Variants in TNKS observed in about 807,000 individuals in gnomAD.
TNKS encodes tankyrase, also known as poly [ADP-ribose] polymerase tankyrase-1.
TNKS carries 72 observed loss-of-function variants against 135.8 expected under a neutral mutation model. The observed-to-expected ratio is 0.53, with a 90% CI of 0.44 to 0.64. TNKS has a LOEUF of 0.64. TNKS is among the 30% of genes least tolerant of loss of function. TNKS has a pLI of 0.00. For synonymous variants in TNKS, 849 were observed against 649.3 expected (o/e 1.31, Z -4.68); for missense variants, 1,769 against 1,674.0 (o/e 1.06, Z -0.99).
intron 17 of TNKS, chr8:9,741,655 C>A: frequency 2.0e-6 from 1 of 491,254 alleles, no homozygotes. Flanking sequence ...CCTTTTGATC[C>A]CCATCAGTTA....
At chr8:9,694,780 A>G (rs1229509738) in intron 5 of TNKS, among the ~76,000 whole-genome samples, 9 of 151,304 alleles carry the variant, frequency 5.9e-5, no homozygotes, top group Admixed American at 5.9e-4. Flanking sequence ...AAAAAAAAAG[A>G]TATTGTCCAA....
intron 3 of TNKS, among the ~76,000 whole-genome samples, chr8:9,659,480 T>G (rs1042952154): frequency 3.3e-5 from 5 of 152,172 alleles, no homozygotes; most frequent in Admixed American, 6.5e-5. Flanking sequence ...TGCTCCCTAA[T>G]GACTACTGGG....
At chr8:9,691,145 G>A (rs1803246367) in intron 5 of TNKS, among the ~76,000 whole-genome samples, 2 of 152,358 alleles carry the variant, frequency 1.3e-5, no homozygotes, top group East Asian at 1.9e-4. Flanking sequence ...AGCAGTTGAA[G>A]TAACTGCAGG....
At position 9,557,293 on chromosome 8, in the gene TNKS, C is replaced by CA. The variant is rs1368768777; in HGVS notation, c.673+686dup. ...TCAGTTGCCTCAGTTTTCTCATGGGCAAAAATCATAAAATGATGTTGTGCG... is the reference window on the plus strand; with the variant it reads ...TCAGTTGCCTCAGTTTTCTCATGGGCAAAAAATCATAAAATGATGTTGTGCG... On this transcript the variant is annotated intron_variant, in intron 1 of 26. Coordinates refer to ENST00000310430, the MANE Select transcript of TNKS (RefSeq NM_003747.3). 2.0e-5 allele frequency: 3 copies of CA among 151,856 alleles called. No homozygotes were observed. In the East Asian group the frequency reaches 5.8e-4, roughly 29 times the overall value. The allele number at this position is 151,856 out of a possible 1,614,324, so 9.4% of individuals were successfully genotyped here.
chr8:9,656,611 C>CTTTTTTTTTTTTTT (rs71201960), intron 3 of TNKS, among the ~76,000 whole-genome samples: 14 of 136,456 alleles, frequency 1.0e-4, no homozygotes, highest in African/African-American at 4.0e-4. Flanking sequence ...AAAGAATTTT[C>CTTTTTTTTTTTTTT]TTTTTTTTTT....
intron 3 of TNKS, among the ~76,000 whole-genome samples, chr8:9,678,929 G>A (rs1180756031): frequency 6.6e-6 from 1 of 152,148 alleles, no homozygotes; most frequent in Non-Finnish European, 1.5e-5. Context: ...AACTAAGTCA[G>A]TGTATTACAG....
intron 26 of TNKS, 58 bp from the exon 27 acceptor site, chr8:9,776,592 A>G: frequency 6.6e-7 from 1 of 1,526,506 alleles, no homozygotes; most frequent in East Asian, 2.3e-5. Context: ...ACATTCGGCA[A>G]GGCTTTAATA....
At chr8:9,638,197 A>T (rs928828549) in intron 3 of TNKS, among the ~76,000 whole-genome samples, 37 of 152,144 alleles carry the variant, frequency 2.4e-4, no homozygotes, top group African/African-American at 7.7e-4. Context: ...CTAGTCTCAA[A>T]CTCCTGGCTT....
chr8:9,690,581 AAAACCCTG>A (rs1803218953), intron 5 of TNKS, among the ~76,000 whole-genome samples: 1 of 152,100 alleles, frequency 6.6e-6, no homozygotes, highest in South Asian at 2.1e-4. Flanking sequence ...CCAACATGGT[AAAACCCTG>A]CTTCTACTAA....
At chr8:9,666,648 G>C (rs950076970) in intron 3 of TNKS, among the ~76,000 whole-genome samples, 1 of 151,952 alleles carries the variant, frequency 6.6e-6, no homozygotes, top group Non-Finnish European at 1.5e-5. Context: ...TGAAACCCAG[G>C]AGGCAGAGTT....
At chr8:9,637,786 G>T (rs948782291) in intron 3 of TNKS, among the ~76,000 whole-genome samples, 57 of 152,220 alleles carry the variant, frequency 3.7e-4, no homozygotes, top group Non-Finnish European at 6.5e-4. Flanking sequence ...ATGCTTTATA[G>T]GAGAGAAATC....
At chr8:9,692,162 T>C (rs1585334399) in intron 5 of TNKS, among the ~76,000 whole-genome samples, 1 of 152,184 alleles carries the variant, frequency 6.6e-6, no homozygotes, top group African/African-American at 2.4e-5. Context: ...ATCACCAAGG[T>C]AGTGAGCATA....
chr8:9,693,555 T>C (rs1158766160), intron 5 of TNKS, among the ~76,000 whole-genome samples: 1 of 152,116 alleles, frequency 6.6e-6, no homozygotes, highest in African/African-American at 2.4e-5. Context: ...AAAGGAGTTA[T>C]TGGGGAGAGG....
At chr8:9,638,459 C>T (rs1442421316) in intron 3 of TNKS, among the ~76,000 whole-genome samples, 2 of 152,150 alleles carry the variant, frequency 1.3e-5, no homozygotes, top group South Asian at 2.1e-4. Flanking sequence ...AACAGCTATG[C>T]CCATGCAGCT....
At chr8:9,731,119 C>G (rs1805417048) in intron 14 of TNKS, 84 bp downstream of exon 14, 1 of 1,367,222 alleles carries the variant, frequency 7.3e-7, no homozygotes, top group Non-Finnish European at 9.6e-7. Context: ...TAGATTTTTT[C>G]TGTATTAAAA....
chr8:9,733,390 T>C lies in TNKS; in HGVS notation c.2259T>C (p.Pro753=), dbSNP rs758940183. The part of the protein sequence containing the change: ...VNVADLWKFT[P]LHEAAAKGKY... ...TGGCGGACTTATGGAAATTTACCCC[T>C]CTCCATGAAGCAGCAGCTAAAGGAA... is the stretch of plus-strand genomic sequence containing the variant. The change falls in exon 15 of 27, where the codon CCT becomes CCC. Residue 753 remains proline, a synonymous_variant. Transcript: ENST00000310430. The C allele has an allele frequency of 6.2e-7, 1 of 1,613,464 alleles. No homozygotes were observed. Among genetic ancestry groups the C allele is most frequent in the Admixed American group, 1.7e-5 (1 of 59,960 alleles).
intron 11 of TNKS, among the ~76,000 whole-genome samples, chr8:9,718,264 C>T (rs1308508101): frequency 6.6e-6 from 1 of 152,140 alleles, no homozygotes; most frequent in Non-Finnish European, 1.5e-5. Context: ...CAACTCTCGG[C>T]TTACTTGAAA....
intron 1 of TNKS, among the ~76,000 whole-genome samples, chr8:9,562,856 C>A (rs1442576891): frequency 7.1e-6 from 1 of 140,998 alleles, no homozygotes; most frequent in Non-Finnish European, 1.6e-5. Flanking sequence ...TTTTTTTTTT[C>A]TCTTCCATTA....
chr8:9,732,380 G>C (rs369936990), intron 14 of TNKS, among the ~76,000 whole-genome samples: 4 of 152,090 alleles, frequency 2.6e-5, no homozygotes, highest in Non-Finnish European at 5.9e-5. Flanking sequence ...TAAGCCAGTA[G>C]CTTTCTGTGT....
Sources: gnomAD v4.1 joint callset for allele counts (sites outside exome capture counted in the v4.1 genomes callset) on GRCh38, gnomAD v4.1.1 for gene constraint, MANE v1.5 for transcripts, NCBI Gene and HGNC (gene_info 2026-07-23, HGNC 2026-07-21) for gene names.